CFAP141: variants seen among roughly 807,000 people sequenced by gnomAD.
CFAP141 encodes the protein cilia- and flagella-associated protein 141.
chr1:154,204,154 C>T, the CFAP141 span, among the ~76,000 whole-genome samples: 377 of 152,060 alleles, frequency 2.5e-3, 1 homozygote, highest in Non-Finnish European at 2.8e-3. Flanking sequence ...GTGTATGTAC[C>T]TTCTAGTGCT....
chr1:154,200,541 T>TGGCCCA, the CFAP141 span: 2 of 1,614,222 alleles, frequency 1.2e-6, no homozygotes, highest in South Asian at 2.2e-5. Flanking sequence ...GTTTCTTCTC[T>TGGCCCA]GGCCCAATGC....
chr1:154,204,852 A>AAGCCT, the CFAP141 span, among the ~76,000 whole-genome samples: 1 of 148,106 alleles, frequency 6.8e-6, no homozygotes, highest in African/African-American at 2.5e-5. Context: ...GTGAACCACC[A>AAGCCT]TGCCAGGCTT....
chr1:154,199,390 G>T, the CFAP141 span: 2 of 1,386,860 alleles, frequency 1.4e-6, no homozygotes, highest in Non-Finnish European at 1.0e-6. Flanking sequence ...AGGTTAGCAG[G>T]CATGTTGAGA....
chr1:154,201,609 A>G, the CFAP141 span, among the ~76,000 whole-genome samples: 1 of 151,722 alleles, frequency 6.6e-6, no homozygotes, highest in African/African-American at 2.4e-5. Flanking sequence ...GCTGGTGTCG[A>G]ACTCCTGACC....
At chr1:154,205,461 T>C in the CFAP141 span, 8 of 801,678 alleles carry the variant, frequency 1.0e-5, no homozygotes, top group South Asian at 1.1e-4. Flanking sequence ...ACAAGGCTGC[T>C]TCTCACCCCT....
the CFAP141 span, among the ~76,000 whole-genome samples, chr1:154,204,278 C>T: frequency 1.6e-3 from 237 of 152,104 alleles, 1 homozygote; most frequent in African/African-American, 5.5e-3. Flanking sequence ...GCTGTATCAA[C>T]CTAGACTCCT....
the CFAP141 span, among the ~76,000 whole-genome samples, chr1:154,202,465 G>A: frequency 6.6e-6 from 1 of 152,090 alleles, no homozygotes; most frequent in African/African-American, 2.4e-5. Context: ...AAAATCAAAA[G>A]TACATTTTCC....
At chr1:154,203,172 A>AATATATATATAT in the CFAP141 span, among the ~76,000 whole-genome samples, 3 of 29,508 alleles carry the variant, frequency 1.0e-4, no homozygotes, top group East Asian at 5.6e-4. Flanking sequence ...TGACTGGGCA[A>AATATATATATAT]ATATATATAT....
chr1:154,203,172 AATATATATATATAT>A, the CFAP141 span, among the ~76,000 whole-genome samples: 104 of 29,498 alleles, frequency 3.5e-3, 3 homozygotes, highest in African/African-American at 7.4e-3. Context: ...TGACTGGGCA[AATATATATATATAT>A]ATATATATAT....
At chr1:154,205,549 G>A in the CFAP141 span, 1 of 1,567,324 alleles carries the variant, frequency 6.4e-7, no homozygotes, top group Non-Finnish European at 8.8e-7. Context: ...AGACAGCAGA[G>A]TGGAAAGGTC....
At chr1:154,201,769 A>G in the CFAP141 span, among the ~76,000 whole-genome samples, 2 of 151,522 alleles carry the variant, frequency 1.3e-5, no homozygotes, top group Non-Finnish European at 2.9e-5. Flanking sequence ...ATCTTCATTG[A>G]AGTTTTAATT....
chr1:154,205,184 G>C, the CFAP141 span, among the ~76,000 whole-genome samples: 1 of 152,072 alleles, frequency 6.6e-6, no homozygotes, highest in African/African-American at 2.4e-5. Flanking sequence ...GCGCCCGGCT[G>C]CATCAGTTTT....
chr1:154,200,555 T>C, the CFAP141 span: 4 of 1,614,062 alleles, frequency 2.5e-6, no homozygotes, highest in Non-Finnish European at 3.4e-6. Context: ...CCAATGCCAT[T>C]TGCCACAGAC....
At chr1:154,203,230 T>C in the CFAP141 span, among the ~76,000 whole-genome samples, 10 of 82,540 alleles carry the variant, frequency 1.2e-4, no homozygotes, top group Non-Finnish European at 1.7e-4. Flanking sequence ...TATATATATA[T>C]ATATACTTTG....
At chr1:154,199,527 A>G in the CFAP141 span, 1 of 1,605,416 alleles carries the variant, frequency 6.2e-7, no homozygotes, top group Non-Finnish European at 8.5e-7. Flanking sequence ...AGCTTGACGG[A>G]CCTGGTGGAG....
At chr1:154,203,723 G>C in the CFAP141 span, among the ~76,000 whole-genome samples, 3 of 152,056 alleles carry the variant, frequency 2.0e-5, no homozygotes, top group African/African-American at 7.2e-5. Flanking sequence ...AGCTACTTGT[G>C]AATGTTTTCA....
At chr1:154,203,900 C>A in the CFAP141 span, among the ~76,000 whole-genome samples, 2 of 152,092 alleles carry the variant, frequency 1.3e-5, no homozygotes, top group Admixed American at 6.6e-5. Context: ...CATGGCGAAA[C>A]CCCAACGTGG....
At chr1:154,205,500 C>A in the CFAP141 span, 5 of 1,118,938 alleles carry the variant, frequency 4.5e-6, no homozygotes, top group Non-Finnish European at 6.9e-6. Flanking sequence ...TTGATGAGCC[C>A]CTAAAGAGAT....
At chr1:154,199,651 A>C in the CFAP141 span, 5 of 672,112 alleles carry the variant, frequency 7.4e-6, no homozygotes, top group African/African-American at 9.1e-5. Flanking sequence ...CTGTGACATA[A>C]AGCTGGGTGG....
Sources: allele counts gnomAD v4.1 joint callset (sites outside exome capture counted in the v4.1 genomes callset), GRCh38; gene constraint gnomAD v4.1.1; transcripts MANE v1.5; gene names NCBI Gene and HGNC (gene_info 2026-07-23, HGNC 2026-07-21).